KDM4C: variants seen among roughly 807,000 people sequenced by gnomAD.
KDM4C encodes the protein lysine demethylase 4C, also known as lysine-specific demethylase 4C.
Under a neutral mutation model 129.3 loss-of-function variants are expected in KDM4C, and 81 were observed. The ratio of observed to expected loss-of-function variants is 0.63; its 90% CI spans 0.52 to 0.75. The LOEUF is 0.75. Ranked by LOEUF, KDM4C falls within the 30% of genes least tolerant of loss-of-function variation. The pLI, the probability that KDM4C is intolerant of heterozygous loss-of-function variation, is 0.00. For synonymous variants in KDM4C, 573 were observed against 456.1 expected, an observed-to-expected ratio of 1.26 and a Z score of -3.26; for missense variants, 1,457 against 1,304.0, an observed-to-expected ratio of 1.12 and a Z score of -1.81.
chr9:6,875,405 G>C (rs780625606), intron 5 of KDM4C, among the ~76,000 whole-genome samples: 1 of 152,166 alleles, frequency 6.6e-6, no homozygotes, highest in Admixed American at 6.5e-5. Flanking sequence ...CGGGTCTTGA[G>C]CTGAGATTTG....
intron 1 of KDM4C, among the ~76,000 whole-genome samples, chr9:6,766,828 C>G (rs776821646): frequency 6.6e-6 from 1 of 151,868 alleles, no homozygotes; most frequent in Non-Finnish European, 1.5e-5. Context: ...CTCTGCTTAT[C>G]AGAACATTCT....
intron 18 of KDM4C, among the ~76,000 whole-genome samples, chr9:7,107,181 A>G (rs1380493318): frequency 1.3e-5 from 2 of 152,228 alleles, no homozygotes; most frequent in Non-Finnish European, 2.9e-5. Context: ...ACCCTGTGCC[A>G]TGATTCATTA....
intron 1 of KDM4C, among the ~76,000 whole-genome samples, chr9:6,771,368 A>G (rs988304107): frequency 2.6e-5 from 4 of 151,634 alleles, no homozygotes; most frequent in Non-Finnish European, 4.4e-5. Flanking sequence ...CTGGAGTGCA[A>G]TGTTACGATC....
chr9:6,730,729 G>T (rs1442015104), intron 1 of KDM4C, among the ~76,000 whole-genome samples: 1 of 152,134 alleles, frequency 6.6e-6, no homozygotes, highest in South Asian at 2.1e-4. Flanking sequence ...GATGCCTCAT[G>T]GTCAGAACAA....
Position 6,986,481 on chromosome 9 carries a change from G to C in KDM4C, c.1492G>C (p.Glu498Gln). 6.2e-7 allele frequency: 1 copy of C among 1,614,074 alleles called. No individual in the cohort carries two copies. The highest frequency in any genetic ancestry group is 8.5e-7 in the Non-Finnish European group (1 of 1,180,022). ...IPLSSGYEKP[E>Q]KSDPSELSWP... Reference sequence around the variant, plus strand: ...ATTGTCTAGTGGCTATGAGAAGCCCGAGAAATCAGACCCATCCGAGCTTTC... The same window carrying C: ...ATTGTCTAGTGGCTATGAGAAGCCCCAGAAATCAGACCCATCCGAGCTTTC... The change falls in exon 11 of 22, where the codon GAG becomes CAG. Residue 498 changes from glutamate to glutamine, a missense_variant. Coordinates refer to ENST00000381309, the MANE Select transcript of KDM4C (RefSeq NM_015061.6).
chr9:7,040,973 C>T (rs1459806141), intron 15 of KDM4C, among the ~76,000 whole-genome samples: 1 of 151,006 alleles, frequency 6.6e-6, no homozygotes, highest in Non-Finnish European at 1.5e-5. Flanking sequence ...ATATTATCAC[C>T]CCTTTTCTCT....
At chr9:7,067,102 C>A (rs1323214421) in intron 17 of KDM4C, among the ~76,000 whole-genome samples, 1 of 152,166 alleles carries the variant, frequency 6.6e-6, no homozygotes, top group Non-Finnish European at 1.5e-5. Context: ...TCCTGGCAGT[C>A]CTAGCACTGA....
At chr9:6,880,138 C>A in intron 6 of KDM4C, 77 bp downstream of exon 6, 1 of 884,134 alleles carries the variant, frequency 1.1e-6, no homozygotes. Flanking sequence ...TTTTGAGGTA[C>A]TTTTTACAAT....
chr9:7,174,215 G>A (rs1257070600), intron 21 of KDM4C, among the ~76,000 whole-genome samples: 1 of 151,522 alleles, frequency 6.6e-6, no homozygotes, highest in Non-Finnish European at 1.5e-5. Flanking sequence ...TAGGAGTAAA[G>A]GTAACTTAGA....
intron 6 of KDM4C, among the ~76,000 whole-genome samples, chr9:6,882,038 T>G (rs548828030): frequency 6.6e-6 from 1 of 152,332 alleles, no homozygotes; most frequent in Non-Finnish European, 1.5e-5. Flanking sequence ...TGGTTTCTAT[T>G]GAAATCTTGA....
chr9:7,059,214 A>G (rs994549598), intron 17 of KDM4C, among the ~76,000 whole-genome samples: 10 of 152,168 alleles, frequency 6.6e-5, no homozygotes, highest in Non-Finnish European at 1.3e-4. Context: ...CAGTGGCGCC[A>G]TCATGGCTCA....
chr9:6,967,421 T>TAAAA (rs35054106), intron 8 of KDM4C, among the ~76,000 whole-genome samples: 104 of 125,016 alleles, frequency 8.3e-4, no homozygotes, highest in African/African-American at 3.0e-3. Context: ...AAGCTTCCAC[T>TAAAA]AAAAAAAAAA....
chr9:6,921,698 C>G (rs1554644893), intron 8 of KDM4C, among the ~76,000 whole-genome samples: 1 of 152,136 alleles, frequency 6.6e-6, no homozygotes, highest in Non-Finnish European at 1.5e-5. Context: ...CTCAGAATCT[C>G]CCCTTCCTAG....
chr9:6,811,463 C>A (rs928489071), intron 3 of KDM4C, among the ~76,000 whole-genome samples: 1 of 152,116 alleles, frequency 6.6e-6, no homozygotes, highest in Non-Finnish European at 1.5e-5. Flanking sequence ...CCTGACCTGG[C>A]ATTGGTGCAC....
chr9:6,752,985 T>A (rs187003377), upstream of KDM4C, among the ~76,000 whole-genome samples: 1 of 152,294 alleles, frequency 6.6e-6, no homozygotes, highest in East Asian at 1.9e-4. Flanking sequence ...CTGAAACCCA[T>A]GCCTCACCCT....
chr9:6,928,230 C>A (rs1822996216), intron 8 of KDM4C, among the ~76,000 whole-genome samples: 1 of 152,210 alleles, frequency 6.6e-6, no homozygotes, highest in South Asian at 2.1e-4. Context: ...TTTCTTCCAG[C>A]TTTCCAGCCG....
At chr9:6,882,554 A>G (rs951703576) in intron 6 of KDM4C, among the ~76,000 whole-genome samples, 2 of 152,194 alleles carry the variant, frequency 1.3e-5, no homozygotes, top group Admixed American at 6.5e-5. Context: ...AAAATATGTG[A>G]TTTAGGACTT....
At chr9:6,943,026 C>T (rs568834241) in intron 8 of KDM4C, among the ~76,000 whole-genome samples, 10 of 152,114 alleles carry the variant, frequency 6.6e-5, no homozygotes, top group South Asian at 2.1e-4. Flanking sequence ...CCACCTTGCC[C>T]GCATAATTTT....
chr9:6,873,939 A>AGC, intron 5 of KDM4C, among the ~76,000 whole-genome samples: 1 of 126,288 alleles, frequency 7.9e-6, no homozygotes. Flanking sequence ...AGTGAGAGAG[A>AGC]GCGAGAGAGA....
Sources: allele counts gnomAD v4.1 joint callset (sites outside exome capture counted in the v4.1 genomes callset), GRCh38; gene constraint gnomAD v4.1.1; transcripts MANE v1.5; gene names NCBI Gene and HGNC (gene_info 2026-07-23, HGNC 2026-07-21).